BET1: variants seen among roughly 807,000 people sequenced by gnomAD.
BET1 encodes the protein Bet1 golgi vesicular membrane trafficking protein, also known as BET1 homolog.
BET1 carries 9 observed loss-of-function variants against 13.9 expected under a neutral mutation model. The ratio of observed to expected loss-of-function variants is 0.65; its 90% CI spans 0.39 to 1.13. The LOEUF is 1.13. BET1 is among the 50% of genes most tolerant of loss of function. The pLI, the probability that BET1 is intolerant of heterozygous loss-of-function variation, is 0.01. For missense variants in BET1, 127 were observed against 133.6 expected (o/e 0.95, Z 0.24); for synonymous variants, 39 against 47.3 (o/e 0.82, Z 0.72).
At chr7:93,976,221 G>A (rs781404314) in intron 4 of BET1, 23 of 693,450 alleles carry the variant, frequency 3.3e-5, no homozygotes, top group Admixed American at 1.2e-4. Flanking sequence ...CAGGTATTCA[G>A]AGAATTAATG....
Position 93,968,717 on chromosome 7 carries a change from C to T in BET1, c.*138-3030G>A, listed in dbSNP as rs1371012191. 3.3e-5 allele frequency among the ~76,000 whole-genome samples: 5 copies of T among 151,752 alleles called. No homozygotes were observed. In the East Asian group the frequency reaches 9.7e-4, roughly 29 times the overall value. ...AAGCCCACATGCTTTTGTCACACTA[C>T]ACTCTCTTTCTTTTGAAATTTATAA... On this transcript the variant is annotated intron_variant and NMD_transcript_variant, in intron 6 of 6. Coordinates refer to the BET1 transcript ENST00000357520.
chr7:93,966,262 A>G (rs1049450897), intron 6 of BET1, among the ~76,000 whole-genome samples: 3 of 152,038 alleles, frequency 2.0e-5, no homozygotes, highest in African/African-American at 7.2e-5. Flanking sequence ...CTTCTCTTCC[A>G]AGAAGTGCTT....
intron 5 of BET1, chr7:93,972,708 G>A (rs1247080321): frequency 6.6e-6 from 1 of 151,694 alleles, no homozygotes; most frequent in Non-Finnish European, 1.5e-5. Context: ...TATTATTTTT[G>A]ATAGCCATTT....
chr7:93,967,782 C>A (rs1795197952), intron 6 of BET1, among the ~76,000 whole-genome samples: 1 of 151,532 alleles, frequency 6.6e-6, no homozygotes, highest in Non-Finnish European at 1.5e-5. Context: ...TTATATAAAC[C>A]ATCAGAATAA....
intron 2 of BET1, among the ~76,000 whole-genome samples, chr7:93,998,387 C>G (rs878924276): frequency 1.3e-5 from 2 of 152,076 alleles, no homozygotes; most frequent in South Asian, 4.1e-4. Flanking sequence ...GATGTTCTTC[C>G]AATAGTTCAA....
rs1334056123 is a variant in BET1 at position 93,993,679 on chromosome 7, TG to T, written c.*550del. 1 of 1,333,150 alleles carries T rather than the reference TG, an allele frequency of 7.5e-7. No homozygotes were observed. The highest frequency in any genetic ancestry group is 9.5e-7 in the Non-Finnish European group (1 of 1,048,244). 82.6% of individuals were successfully genotyped at this position (1,333,150 alleles called of 1,614,324 possible). A position where few individuals can be genotyped will look rare whatever the true frequency, so the allele number is the denominator to read the frequency against. ...AATGAGGTCTTTGGGCAGAAAGAAA[TG>T]AGGGGTCATTATCATCAAAAATTAT... On this transcript the variant is annotated 3_prime_UTR_variant, in exon 4 of 4. Transcript: ENST00000222547.
chr7:93,994,678 A>G (rs1023773618), intron 3 of BET1, among the ~76,000 whole-genome samples: 3 of 152,230 alleles, frequency 2.0e-5, no homozygotes, highest in Non-Finnish European at 2.9e-5. Flanking sequence ...AATTATGTGG[A>G]TAAAAAAAAT....
intron 2 of BET1, among the ~76,000 whole-genome samples, chr7:93,996,957 C>T (rs1184780476): frequency 5.7e-5 from 6 of 105,526 alleles, no homozygotes; most frequent in Admixed American, 4.0e-4. Flanking sequence ...TATGTCTAAA[C>T]TGATTTTTCC....
intron 4 of BET1, among the ~76,000 whole-genome samples, chr7:93,981,818 C>T (rs1795435602): frequency 6.6e-6 from 1 of 152,168 alleles, no homozygotes; most frequent in Non-Finnish European, 1.5e-5. Context: ...ACATTGCAGT[C>T]AGTAGTGCCA....
intron 1 of BET1, among the ~76,000 whole-genome samples, chr7:94,002,745 T>C (rs1265240155): frequency 2.6e-5 from 4 of 152,168 alleles, no homozygotes; most frequent in Non-Finnish European, 5.9e-5. Flanking sequence ...CACAGTGTGA[T>C]CCCGAATCCC....
intron 2 of BET1, among the ~76,000 whole-genome samples, chr7:93,998,048 G>A (rs1795810248): frequency 6.6e-6 from 1 of 152,174 alleles, no homozygotes; most frequent in Non-Finnish European, 1.5e-5. Flanking sequence ...GATCTAAGAA[G>A]GAAGTGGAGG....
At chr7:93,995,909 G>T (rs746190079) in intron 3 of BET1, 1 of 335,968 alleles carries the variant, frequency 3.0e-6, no homozygotes, top group Non-Finnish European at 5.4e-6. Context: ...ACATTTAGTT[G>T]GTTGGATATC....
intron 6 of BET1, among the ~76,000 whole-genome samples, chr7:93,970,490 T>A (rs1795243900): frequency 6.6e-6 from 1 of 151,786 alleles, no homozygotes; most frequent in African/African-American, 2.4e-5. Context: ...AATTTGCATA[T>A]TTTACGCATT....
In BET1 at chr7:93,994,259, T is replaced by TA. The variant is rs1795708981; in HGVS notation, c.327dup (p.Ile110TyrfsTer7). On this transcript the variant is annotated frameshift_variant, in exon 4 of 4. Coordinates refer to ENST00000222547, the MANE Select transcript of BET1 (RefSeq NM_005868.6). LOFTEE classifies it high-confidence loss of function. Reference sequence around the variant, plus strand: ...CTCAGTTTAATAATCCAATAAATGATAAAAAAGACAAATAAAGAAAACAGC... The same window carrying TA: ...CTCAGTTTAATAATCCAATAAATGATAAAAAAAGACAAATAAAGAAAACAGC... 1.2e-6 allele frequency: 2 copies of TA among 1,608,136 alleles called. No homozygotes were observed. The highest frequency in any genetic ancestry group is 2.2e-5 in the South Asian group (2 of 89,168).
chr7:93,993,680 G>A lies in BET1; in HGVS notation c.*550C>T, dbSNP rs1795689291. 7.5e-7 allele frequency: 1 copy of A among 1,335,610 alleles called. No homozygotes were observed. Among genetic ancestry groups the A allele is most frequent in the African/African-American group, 1.5e-5 (1 of 66,636 alleles). 82.7% of individuals were successfully genotyped at this position (1,335,610 alleles called of 1,614,324 possible). A position where few individuals can be genotyped will look rare whatever the true frequency, so the allele number is the denominator to read the frequency against. ...ATGAGGTCTTTGGGCAGAAAGAAAT[G>A]AGGGGTCATTATCATCAAAAATTAT... On this transcript the variant is annotated 3_prime_UTR_variant, in exon 4 of 4. Coordinates refer to ENST00000222547, the MANE Select transcript of BET1 (RefSeq NM_005868.6).
downstream of BET1, chr7:93,992,037 A>G (rs988078146): frequency 2.0e-6 from 2 of 985,392 alleles, no homozygotes; most frequent in African/African-American, 3.5e-5. Flanking sequence ...TTTGTTTTAG[A>G]TGGAAAAAGA....
At chr7:93,964,730 G>C (rs1795146748) in exon 7 of BET1, 1 of 152,026 alleles carries the variant, frequency 6.6e-6, no homozygotes, top group Non-Finnish European at 1.5e-5. Flanking sequence ...CTCATAATCA[G>C]TAATTACTAG....
intron 4 of BET1, among the ~76,000 whole-genome samples, chr7:93,986,273 G>A (rs564836691): frequency 5.2e-4 from 79 of 152,196 alleles, no homozygotes; most frequent in African/African-American, 1.9e-3. Context: ...CTATAATCCA[G>A]GGAATAGACT....
intron 4 of BET1, among the ~76,000 whole-genome samples, chr7:93,983,435 T>A (rs1340549555): frequency 6.6e-6 from 1 of 152,144 alleles, no homozygotes; most frequent in Non-Finnish European, 1.5e-5. Context: ...AGTTGCAATA[T>A]TTTAGGGGAT....
Sources: gnomAD v4.1 joint callset for allele counts (sites outside exome capture counted in the v4.1 genomes callset) on GRCh38, gnomAD v4.1.1 for gene constraint, MANE v1.5 for transcripts, NCBI Gene and HGNC (gene_info 2026-07-23, HGNC 2026-07-21) for gene names.